Variants in KCMF1 observed in about 807,000 individuals in gnomAD.
The protein encoded by KCMF1 is potassium channel modulatory factor 1.
Under a neutral mutation model 41.1 loss-of-function variants are expected in KCMF1, and 3 were observed. That is an observed-to-expected ratio of 0.07 (90% confidence interval 0.03 to 0.19). The LOEUF (loss-of-function observed/expected upper bound fraction) is 0.19. Ranked by LOEUF, KCMF1 falls within the 10% of genes least tolerant of loss-of-function variation. KCMF1 has a pLI of 1.00. For missense variants in KCMF1, 286 were observed against 488.9 expected (o/e 0.58, Z 3.91); for synonymous variants, 142 against 164.5 (o/e 0.86, Z 1.04).
intron 1 of KCMF1, among the ~76,000 whole-genome samples, chr2:85,017,800 A>AT (rs908210954): frequency 2.0e-5 from 3 of 152,058 alleles, no homozygotes; most frequent in African/African-American, 7.2e-5. Flanking sequence ...CCAACCTGAG[A>AT]TTTTCTCCTT....
chr2:85,049,752 T>C, intron 6 of KCMF1, 104 bp downstream of exon 6: 3 of 961,730 alleles, frequency 3.1e-6, no homozygotes, highest in Non-Finnish European at 1.5e-6. Context: ...CTTTAAAATT[T>C]TGTGTTTGAT....
At chr2:85,050,074 C>G (rs1675771605) in intron 6 of KCMF1, among the ~76,000 whole-genome samples, 1 of 152,126 alleles carries the variant, frequency 6.6e-6, no homozygotes. Flanking sequence ...CGCTTGAGCC[C>G]TGGAGACAGA....
chr2:84,974,531 A>G (rs1372940991), intron 1 of KCMF1, among the ~76,000 whole-genome samples: 1 of 151,254 alleles, frequency 6.6e-6, no homozygotes. Flanking sequence ...GTAAAGGGCT[A>G]GGTGGCAAAC....
chr2:85,040,492 C>G (rs919789189), intron 3 of KCMF1, among the ~76,000 whole-genome samples: 3 of 152,180 alleles, frequency 2.0e-5, no homozygotes, highest in African/African-American at 7.2e-5. Context: ...TTCTCCTGCC[C>G]CGCTTTGCTC....
intron 4 of KCMF1, among the ~76,000 whole-genome samples, chr2:85,044,034 C>T (rs1359394719): frequency 1.3e-5 from 2 of 152,114 alleles, no homozygotes; most frequent in Admixed American, 6.5e-5. Flanking sequence ...TTGACTTGTC[C>T]TTCATCTTTA....
At chr2:85,049,165 G>A (rs959388682) in intron 5 of KCMF1, among the ~76,000 whole-genome samples, 17 of 152,224 alleles carry the variant, frequency 1.1e-4, no homozygotes, top group East Asian at 5.8e-4. Flanking sequence ...GTTAATATTC[G>A]TATGCATTTG....
At chr2:85,024,327 G>A (rs1302635663) in intron 1 of KCMF1, among the ~76,000 whole-genome samples, 3 of 152,132 alleles carry the variant, frequency 2.0e-5, no homozygotes, top group African/African-American at 7.2e-5. Context: ...ACAAAAATTA[G>A]CTGGGCATGG....
chr2:84,991,476 C>T (rs1039710765), intron 1 of KCMF1, among the ~76,000 whole-genome samples: 8 of 152,140 alleles, frequency 5.3e-5, no homozygotes, highest in Non-Finnish European at 8.8e-5. Context: ...TGTTGCCTTT[C>T]TCTCTAGTTT....
chr2:84,973,311 A>G (rs1673448808), intron 1 of KCMF1, among the ~76,000 whole-genome samples: 1 of 152,232 alleles, frequency 6.6e-6, no homozygotes, highest in African/African-American at 2.4e-5. Context: ...TTAAAATCTC[A>G]TATTTGGAAC....
intron 1 of KCMF1, among the ~76,000 whole-genome samples, chr2:84,974,034 G>A (rs183075334): frequency 6.6e-5 from 10 of 151,842 alleles, no homozygotes; most frequent in Admixed American, 2.0e-4. Context: ...CATCATGTTG[G>A]TCAGGCTGGT....
chr2:85,014,713 G>C (rs557454520), intron 1 of KCMF1, among the ~76,000 whole-genome samples: 1 of 142,812 alleles, frequency 7.0e-6, no homozygotes, highest in African/African-American at 2.7e-5. Context: ...GCGCGCGTGC[G>C]TGCGTGCGTG....
chr2:84,987,627 A>G (rs893433468), intron 1 of KCMF1, among the ~76,000 whole-genome samples: 5 of 152,292 alleles, frequency 3.3e-5, no homozygotes, highest in Non-Finnish European at 7.4e-5. Flanking sequence ...GTAGGCCACT[A>G]GGTAGAAATC....
intron 1 of KCMF1, among the ~76,000 whole-genome samples, chr2:85,020,615 A>G (rs1294142953): frequency 6.6e-6 from 1 of 151,992 alleles, no homozygotes; most frequent in East Asian, 1.9e-4. Flanking sequence ...TTTTGTAGAA[A>G]CTGGGTTTCT....
At chr2:85,042,777 T>TCC (rs1675570107) in intron 3 of KCMF1, among the ~76,000 whole-genome samples, 1 of 151,934 alleles carries the variant, frequency 6.6e-6, no homozygotes, top group Non-Finnish European at 1.5e-5. Context: ...TTTCTAGCCT[T>TCC]CCCCTCTCCT....
chr2:85,025,531 T>A (rs1675077347), intron 1 of KCMF1, among the ~76,000 whole-genome samples: 1 of 152,190 alleles, frequency 6.6e-6, no homozygotes, highest in African/African-American at 2.4e-5. Flanking sequence ...CCGTTCTCCC[T>A]TTCCTCAAGC....
chr2:85,017,057 G>A (rs1185993741), intron 1 of KCMF1, among the ~76,000 whole-genome samples: 41 of 124,498 alleles, frequency 3.3e-4, no homozygotes, highest in East Asian at 5.0e-4. Context: ...TCGCTCTGTC[G>A]CCCAGGCGGG....
chr2:84,990,692 T>C (rs937761697), intron 1 of KCMF1, among the ~76,000 whole-genome samples: 1 of 151,606 alleles, frequency 6.6e-6, no homozygotes, highest in Non-Finnish European at 1.5e-5. Context: ...GTCAGATGAT[T>C]GGTGTGTGTG....
At chr2:85,008,370 C>CATAT (rs1491352581) in intron 1 of KCMF1, among the ~76,000 whole-genome samples, 1 of 8,466 alleles carries the variant, frequency 1.2e-4, no homozygotes, top group African/African-American at 2.1e-4. Flanking sequence ...TATTATATAT[C>CATAT]ATATGATATA....
intron 4 of KCMF1, among the ~76,000 whole-genome samples, chr2:85,044,569 T>C (rs957061751): frequency 4.6e-5 from 7 of 152,082 alleles, no homozygotes; most frequent in African/African-American, 1.4e-4. Flanking sequence ...AGAGATGGGG[T>C]TTCACCATAT....
Sources: allele counts gnomAD v4.1 joint callset (sites outside exome capture counted in the v4.1 genomes callset), GRCh38; gene constraint gnomAD v4.1.1; transcripts MANE v1.5; gene names NCBI Gene and HGNC (gene_info 2026-07-23, HGNC 2026-07-21).